The following LRMDA variants were observed in gnomAD, a reference collection of about 807,000 sequenced individuals.
LRMDA encodes leucine-rich melanocyte differentiation-associated protein.
Under a neutral mutation model 29.8 loss-of-function variants are expected in LRMDA, and 18 were observed. The observed-to-expected ratio is 0.60, with a 90% confidence interval of 0.42 to 0.90. LRMDA has a LOEUF of 0.90. Ranked by LOEUF, LRMDA falls within the 40% of genes least tolerant of loss-of-function variation. LRMDA has a pLI of 0.00. For synonymous variants in LRMDA, 125 were observed against 109.4 expected, an observed-to-expected ratio of 1.14 and a Z score of -0.89; for missense variants, 273 against 273.9, an observed-to-expected ratio of 1.00 and a Z score of 0.02.
At chr10:75,639,837 CG>C (rs112654286) in intron 2 of LRMDA, among the ~76,000 whole-genome samples, 3,721 of 152,288 alleles carry the variant, frequency 0.024, 93 homozygotes, top group African/African-American at 0.061. Flanking sequence ...TTGTCCTGCG[CG>C]GCTGCGCTCG....
At chr10:75,591,685 A>G (rs1313919833) in intron 2 of LRMDA, among the ~76,000 whole-genome samples, 7 of 152,214 alleles carry the variant, frequency 4.6e-5, no homozygotes, top group Admixed American at 3.3e-4. Context: ...CTCAGAAACC[A>G]TGGGTCAAGT....
intron 6 of LRMDA, among the ~76,000 whole-genome samples, chr10:76,537,933 A>G (rs1179025907): frequency 6.6e-6 from 1 of 152,220 alleles, no homozygotes; most frequent in Non-Finnish European, 1.5e-5. Context: ...AAATAATTTG[A>G]GAAGGATAAT....
chr10:75,794,597 C>A (rs1843621441), intron 2 of LRMDA, among the ~76,000 whole-genome samples: 1 of 152,166 alleles, frequency 6.6e-6, no homozygotes, highest in Non-Finnish European at 1.5e-5. Context: ...TCCTCTCCAA[C>A]AGTTAGTGTC....
In LRMDA at chr10:75,446,282, C is replaced by T. The variant is rs761087425; in HGVS notation, c.131+7788C>T. On this transcript the variant is annotated intron_variant, in intron 2 of 6. Transcript: ENST00000611255. ...TGGTTAACTGACTGTGGGCTAATTG[C>T]GGAAGTGTTGAGTGCTGTGTGTAAT... Among the ~76,000 whole-genome samples the T allele has an allele frequency of 7.9e-5, 12 of 152,282 alleles. No individual in the cohort carries two copies. In the South Asian group the frequency reaches 8.3e-4, roughly 11 times the overall value.
At chr10:76,235,614 C>G (rs569706259) in intron 5 of LRMDA, among the ~76,000 whole-genome samples, 1 of 152,068 alleles carries the variant, frequency 6.6e-6, no homozygotes, top group East Asian at 1.9e-4. Flanking sequence ...CACCTCTATT[C>G]TCCTCTCTTG....
intron 5 of LRMDA, among the ~76,000 whole-genome samples, chr10:76,300,171 T>C (rs964896244): frequency 1.3e-5 from 2 of 152,170 alleles, no homozygotes; most frequent in African/African-American, 4.8e-5. Context: ...ACATATTTGA[T>C]TGGTGGTATT....
intron 6 of LRMDA, among the ~76,000 whole-genome samples, chr10:76,377,174 C>T (rs1332676345): frequency 3.3e-5 from 5 of 151,966 alleles, no homozygotes; most frequent in African/African-American, 7.2e-5. Context: ...TGTGAGCCAC[C>T]ACACCCAGCC....
chr10:76,189,079 C>T (rs1851200066), intron 5 of LRMDA, among the ~76,000 whole-genome samples: 1 of 152,028 alleles, frequency 6.6e-6, no homozygotes, highest in African/African-American at 2.4e-5. Flanking sequence ...TTTATTAGGC[C>T]AGGCGTGGTG....
chr10:75,604,991 G>C (rs1022060848), intron 2 of LRMDA, among the ~76,000 whole-genome samples: 1 of 152,148 alleles, frequency 6.6e-6, no homozygotes, highest in Non-Finnish European at 1.5e-5. Context: ...CAAACAAAAT[G>C]TTTTGTTTAG....
chr10:75,676,401 G>C (rs902213830), intron 2 of LRMDA, among the ~76,000 whole-genome samples: 7 of 152,284 alleles, frequency 4.6e-5, no homozygotes, highest in Middle Eastern at 3.4e-3. Context: ...TACAATTCTA[G>C]CATTTTTGAC....
chr10:76,539,980 ATGTTCACACACACACACACAC>A (rs1843334577), intron 6 of LRMDA, among the ~76,000 whole-genome samples: 1 of 124,354 alleles, frequency 8.0e-6, no homozygotes, highest in Non-Finnish European at 1.8e-5. Context: ...TGATATCAAC[ATGTTCACACACACACACACAC>A]ACACATTCCT....
intron 2 of LRMDA, among the ~76,000 whole-genome samples, chr10:75,676,366 G>A (rs1003764191): frequency 1.3e-5 from 2 of 152,188 alleles, no homozygotes; most frequent in African/African-American, 2.4e-5. Flanking sequence ...ACGATAGTTT[G>A]GATGAAATGA....
intron 2 of LRMDA, among the ~76,000 whole-genome samples, chr10:75,464,595 G>A (rs1189045998): frequency 6.6e-6 from 1 of 152,206 alleles, no homozygotes; most frequent in African/African-American, 2.4e-5. Flanking sequence ...GGAACGGCAT[G>A]AGGATCTGCT....
At chr10:76,403,430 T>C (rs1050217452) in intron 6 of LRMDA, 2 of 151,922 alleles carry the variant, frequency 1.3e-5, no homozygotes, top group Non-Finnish European at 2.9e-5. Flanking sequence ...TCTTCCCGTC[T>C]TGCATGCCCA....
chr10:75,782,800 C>T (rs2133705), intron 2 of LRMDA: 704,431 of 1,421,134 alleles, frequency 0.5, 178,781 homozygotes, highest in South Asian at 0.55. Flanking sequence ...CCGCAACTTT[C>T]ACTTGTTGAG....
At chr10:75,838,797 G>A (rs1412404967) in intron 2 of LRMDA, among the ~76,000 whole-genome samples, 1 of 152,126 alleles carries the variant, frequency 6.6e-6, no homozygotes, top group African/African-American at 2.4e-5. Flanking sequence ...CCAACTTATT[G>A]GTTTAAAGTC....
chr10:75,895,364 C>T (rs1359368167), intron 2 of LRMDA, among the ~76,000 whole-genome samples: 1 of 152,182 alleles, frequency 6.6e-6, no homozygotes, highest in Admixed American at 6.5e-5. Context: ...CACTATATGC[C>T]ATGTGCTGTC....
chr10:75,553,398 C>G (rs2132056399), intron 2 of LRMDA, among the ~76,000 whole-genome samples: 1 of 152,298 alleles, frequency 6.6e-6, no homozygotes, highest in South Asian at 2.1e-4. Context: ...CATATGCTTA[C>G]TCTAGAGAAT....
At chr10:76,551,443 A>C (rs1319345608) in intron 6 of LRMDA, among the ~76,000 whole-genome samples, 1 of 152,192 alleles carries the variant, frequency 6.6e-6, no homozygotes, top group Non-Finnish European at 1.5e-5. Flanking sequence ...TTTAACAAAT[A>C]TTTATTGAAC....
Sources: gnomAD v4.1 joint callset for allele counts (sites outside exome capture counted in the v4.1 genomes callset) on GRCh38, gnomAD v4.1.1 for gene constraint, MANE v1.5 for transcripts, NCBI Gene and HGNC (gene_info 2026-07-23, HGNC 2026-07-21) for gene names.